The following GRIN2A variants were observed in gnomAD, a reference collection of about 807,000 sequenced individuals.
The protein encoded by GRIN2A is glutamate receptor ionotropic, NMDA 2A.
Under a neutral mutation model 113.4 loss-of-function variants are expected in GRIN2A, and 22 were observed. The ratio of observed to expected loss-of-function variants is 0.19; its 90% CI spans 0.14 to 0.28. The LOEUF (loss-of-function observed/expected upper bound fraction) is 0.28, where lower values mean the gene tolerates loss of function less well. GRIN2A is among the 10% of genes least tolerant of loss of function. The probability of loss-of-function intolerance (pLI) is 1.00; values close to 1 mark genes in which losing one functional copy is unlikely to be tolerated. For synonymous variants in GRIN2A, 827 were observed against 738.4 expected, an observed-to-expected ratio of 1.12 and a Z score of -1.94; for missense variants, 1,502 against 1,887.0, an observed-to-expected ratio of 0.80 and a Z score of 3.78.
intron 2 of GRIN2A, chr16:10,179,698 A>C (rs1596586364): frequency 2.1e-6 from 1 of 466,532 alleles, no homozygotes; most frequent in East Asian, 4.1e-5. Context: ...CAAACATGCC[A>C]CCACCGCCAC....
At chr16:10,146,860 G>A (rs1474440410) in intron 2 of GRIN2A, among the ~76,000 whole-genome samples, 1 of 151,980 alleles carries the variant, frequency 6.6e-6, no homozygotes, top group Non-Finnish European at 1.5e-5. Flanking sequence ...GAGGCATGAA[G>A]CAAGAGACCT....
chr16:9,896,790 G>A (rs958072981), intron 3 of GRIN2A, among the ~76,000 whole-genome samples: 19 of 152,166 alleles, frequency 1.2e-4, no homozygotes, highest in African/African-American at 3.4e-4. Flanking sequence ...TTTCTAGGAA[G>A]GACAATCCAT....
At chr16:9,767,464 T>C (rs1900989194) in intron 12 of GRIN2A, among the ~76,000 whole-genome samples, 2 of 152,144 alleles carry the variant, frequency 1.3e-5, no homozygotes, top group South Asian at 4.1e-4. Flanking sequence ...GCAGGTTTGT[T>C]ACATATGTAT....
At chr16:10,167,333 T>C (rs1290362829) in intron 2 of GRIN2A, among the ~76,000 whole-genome samples, 2 of 152,158 alleles carry the variant, frequency 1.3e-5, no homozygotes, top group Admixed American at 6.5e-5. Flanking sequence ...TTTGAGTGAG[T>C]TTGTGAGCCA....
chr16:10,035,982 C>T (rs181085622), intron 2 of GRIN2A, among the ~76,000 whole-genome samples: 4 of 152,284 alleles, frequency 2.6e-5, no homozygotes, highest in African/African-American at 9.6e-5. Flanking sequence ...CCTGGGCCTC[C>T]CAAAGTGGTG....
intron 3 of GRIN2A, among the ~76,000 whole-genome samples, chr16:9,929,891 A>T (rs2044549386): frequency 6.6e-6 from 1 of 152,094 alleles, no homozygotes; most frequent in Non-Finnish European, 1.5e-5. Context: ...AAACAACCCA[A>T]ACCACCTTTC....
At chr16:9,878,675 G>A (rs572130198) in intron 4 of GRIN2A, among the ~76,000 whole-genome samples, 12 of 152,294 alleles carry the variant, frequency 7.9e-5, no homozygotes, top group African/African-American at 2.6e-4. Context: ...TTCCCATAGA[G>A]ATGTCTTTTC....
chr16:9,968,678 G>C (rs1311892564), intron 2 of GRIN2A, among the ~76,000 whole-genome samples: 1 of 152,000 alleles, frequency 6.6e-6, no homozygotes, highest in Non-Finnish European at 1.5e-5. Context: ...CGTGATCTCG[G>C]CTCACTGCAA....
intron 4 of GRIN2A, among the ~76,000 whole-genome samples, chr16:9,864,296 AAG>A (rs1485823971): frequency 6.6e-6 from 1 of 152,164 alleles, no homozygotes; most frequent in Admixed American, 6.6e-5. Flanking sequence ...GAAAGTGGCT[AAG>A]AGAGGTAGAC....
intron 2 of GRIN2A, among the ~76,000 whole-genome samples, chr16:10,157,867 T>A (rs2049732359): frequency 1.3e-5 from 2 of 152,168 alleles, no homozygotes; most frequent in South Asian, 4.1e-4. Flanking sequence ...TATTTTTGGT[T>A]TTTTTACTAG....
chr16:9,825,706 C>T (rs1437510293), intron 9 of GRIN2A, among the ~76,000 whole-genome samples: 1 of 152,128 alleles, frequency 6.6e-6, no homozygotes, highest in Non-Finnish European at 1.5e-5. Flanking sequence ...TTGATGTGAG[C>T]AGCAAGCAGG....
intron 12 of GRIN2A, among the ~76,000 whole-genome samples, chr16:9,766,325 C>T (rs980891024): frequency 1.3e-5 from 2 of 152,200 alleles, no homozygotes; most frequent in African/African-American, 4.8e-5. Context: ...GGGATGCTCA[C>T]GGAACTGTGA....
intron 11 of GRIN2A, among the ~76,000 whole-genome samples, chr16:9,771,784 A>T (rs1186741864): frequency 1.3e-5 from 2 of 152,160 alleles, no homozygotes; most frequent in Non-Finnish European, 2.9e-5. Context: ...AGGAATTTTC[A>T]ATGTATGAGT....
At chr16:10,168,421 G>T (rs946758426) in intron 2 of GRIN2A, among the ~76,000 whole-genome samples, 1 of 152,168 alleles carries the variant, frequency 6.6e-6, no homozygotes, top group Non-Finnish European at 1.5e-5. Context: ...AAGCACCAAG[G>T]CTTGGAGATC....
chr16:9,948,520 G>C (rs2045080626), intron 2 of GRIN2A, among the ~76,000 whole-genome samples: 1 of 152,226 alleles, frequency 6.6e-6, no homozygotes. Flanking sequence ...CCTGGTGCCA[G>C]GTGACCTCTG....
Position 9,827,593 on chromosome 16 carries a change from G to A in GRIN2A, c.2007+1830C>T, listed in dbSNP as rs539502981. On this transcript the variant is annotated intron_variant, in intron 9 of 12. Coordinates refer to ENST00000330684, the MANE Select transcript of GRIN2A (RefSeq NM_001134407.3). ...TCACACAGATTAGTCTTTGGTTACA[G>A]GTGACCACAAAGATTGAGGGAACTT... 5.9e-5 allele frequency among the ~76,000 whole-genome samples: 9 copies of A among 152,318 alleles called. No homozygotes were observed. The South Asian group carries it at 1.7e-3, about 28-fold the overall frequency.
intron 5 of GRIN2A, among the ~76,000 whole-genome samples, chr16:9,841,324 C>T (rs1393943766): frequency 2.0e-5 from 3 of 152,166 alleles, no homozygotes; most frequent in East Asian, 1.9e-4. Context: ...TGAGTAATTA[C>T]TATTTGCTAA....
intron 2 of GRIN2A, among the ~76,000 whole-genome samples, chr16:10,138,270 G>A (rs1397116967): frequency 6.6e-6 from 1 of 152,198 alleles, no homozygotes; most frequent in African/African-American, 2.4e-5. Context: ...ATTCAACTGT[G>A]AGACTGTATT....
At chr16:9,800,901 T>C (rs1019022761) in intron 10 of GRIN2A, among the ~76,000 whole-genome samples, 2 of 152,200 alleles carry the variant, frequency 1.3e-5, no homozygotes, top group African/African-American at 4.8e-5. Context: ...TGGAGAGTTA[T>C]ACAAGGTCAA....
Sources: gnomAD v4.1 joint callset for allele counts (sites outside exome capture counted in the v4.1 genomes callset) on GRCh38, gnomAD v4.1.1 for gene constraint, MANE v1.5 for transcripts, NCBI Gene and HGNC (gene_info 2026-07-23, HGNC 2026-07-21) for gene names.